The following CCDC3 variants were observed in gnomAD, a reference collection of about 807,000 sequenced individuals.
CCDC3 encodes coiled-coil domain containing 3.
CCDC3 carries 24 observed loss-of-function variants against 21.4 expected under a neutral mutation model. The observed-to-expected ratio is 1.12, with a 90% CI of 0.81 to 1.58. The LOEUF (loss-of-function observed/expected upper bound fraction) is 1.58. Among genes scored for constraint, CCDC3 ranks in the 40% most tolerant of loss-of-function variants. CCDC3 has a pLI of 0.00. For synonymous variants in CCDC3, 186 were observed against 166.0 expected, an observed-to-expected ratio of 1.12 and a Z score of -0.93; for missense variants, 425 against 360.9, an observed-to-expected ratio of 1.18 and a Z score of -1.44.
chr10:12,946,666 A>C (rs1834920780), intron 2 of CCDC3, among the ~76,000 whole-genome samples: 1 of 152,236 alleles, frequency 6.6e-6, no homozygotes, highest in South Asian at 2.1e-4. Flanking sequence ...CATTCTGTTA[A>C]ATTTAATTTA....
At chr10:13,042,735 T>G (rs377742855) in intron 5 of CCDC3, among the ~76,000 whole-genome samples, 1 of 151,596 alleles carries the variant, frequency 6.6e-6, no homozygotes. Context: ...GGTGAAACCC[T>G]GTCTCTACTA....
intron 5 of CCDC3, among the ~76,000 whole-genome samples, chr10:13,021,868 T>C (rs184575799): frequency 6.6e-6 from 1 of 152,288 alleles, no homozygotes; most frequent in African/African-American, 2.4e-5. Context: ...CAAGCAATTC[T>C]CATGCCTCAG....
At chr10:12,905,351 C>A (rs59486331) in intron 2 of CCDC3, among the ~76,000 whole-genome samples, 20,644 of 152,178 alleles carry the variant, frequency 0.14, 1,731 homozygotes, top group East Asian at 0.26. Flanking sequence ...GCAACGGCTG[C>A]TTCCACAAAA....
At chr10:13,017,815 T>C (rs939624049) in intron 5 of CCDC3, among the ~76,000 whole-genome samples, 5 of 152,092 alleles carry the variant, frequency 3.3e-5, no homozygotes, top group African/African-American at 1.2e-4. Context: ...AGGACTCAAA[T>C]TGGTGTGACT....
At chr10:12,958,292 T>C (rs961105509) in intron 2 of CCDC3, among the ~76,000 whole-genome samples, 1 of 152,144 alleles carries the variant, frequency 6.6e-6, no homozygotes, top group African/African-American at 2.4e-5. Flanking sequence ...AGCAGTTGTG[T>C]GAGGTGGCAA....
chr10:13,021,979 C>T (rs12146173), intron 5 of CCDC3, among the ~76,000 whole-genome samples: 40,957 of 151,892 alleles, frequency 0.27, 6,393 homozygotes, highest in Non-Finnish European at 0.35. Context: ...AGGATGGTCT[C>T]GAACTCCTGA....
chr10:13,057,969 C>T (rs927991935), intron 4 of CCDC3: 1 of 636,520 alleles, frequency 1.6e-6, no homozygotes, highest in African/African-American at 1.8e-5. Context: ...TGTATCTCCT[C>T]CATCATGTCT....
chr10:13,059,457 G>A (rs966421665), intron 4 of CCDC3, among the ~76,000 whole-genome samples: 6 of 152,168 alleles, frequency 3.9e-5, no homozygotes, highest in African/African-American at 1.2e-4. Context: ...AACGGGATGG[G>A]AGGTAAAGAC....
At chr10:13,024,380 C>T (rs1423473063) in intron 5 of CCDC3, among the ~76,000 whole-genome samples, 1 of 152,188 alleles carries the variant, frequency 6.6e-6, no homozygotes, top group African/African-American at 2.4e-5. Context: ...CTCTCTCTGG[C>T]TGCATGTCAG....
At chr10:13,090,143 C>T (rs1169396120) in intron 3 of CCDC3, among the ~76,000 whole-genome samples, 9 of 139,550 alleles carry the variant, frequency 6.4e-5, no homozygotes, top group Admixed American at 1.5e-4. Flanking sequence ...GGCTGGAGTG[C>T]GGTGGTGTGA....
chr10:12,953,732 C>T (rs1835043009), intron 2 of CCDC3, among the ~76,000 whole-genome samples: 1 of 152,182 alleles, frequency 6.6e-6, no homozygotes. Flanking sequence ...CACTCGGCCC[C>T]AGGCAATGCT....
At chr10:12,972,562 T>C (rs1158394057) in intron 2 of CCDC3, among the ~76,000 whole-genome samples, 2 of 152,210 alleles carry the variant, frequency 1.3e-5, no homozygotes, top group Non-Finnish European at 2.9e-5. Context: ...ATGCCTGTAA[T>C]ACCAGCACTT....
exon 1 of CCDC3, chr10:13,099,553 CA>C: frequency 6.6e-6 from 1 of 151,984 alleles, no homozygotes; most frequent in Admixed American, 6.6e-5. Context: ...TCCTCCACAC[CA>C]GCAGAGGCTA....
chr10:13,036,793 C>T (rs898672419), intron 5 of CCDC3, among the ~76,000 whole-genome samples: 11 of 141,250 alleles, frequency 7.8e-5, no homozygotes, highest in African/African-American at 2.9e-4. Context: ...CTCTTATGTA[C>T]ATTTTTTTTT....
In CCDC3 at chr10:13,001,233, G is replaced by A. The variant is rs565584330; in HGVS notation, c.338C>T (p.Thr113Ile). 2.5e-6 allele frequency: 4 copies of A among 1,577,632 alleles called. No individual in the cohort carries two copies. Among genetic ancestry groups the A allele is most frequent in the Non-Finnish European group, 3.4e-6 (4 of 1,162,206 alleles). Residue 113 changes from threonine (T) to isoleucine (I), a missense_variant, in exon 1 of 3, where the codon ACC becomes ATC. Thr to Ile is a moderately conservative substitution (Grantham distance 89). Coordinates refer to ENST00000378825, the MANE Select transcript of CCDC3 (RefSeq NM_031455.4). ...GAAATAGGAGTAGTCCTGGACCACGGTGTGGGAGTGGCACGAGAAGTAGCC... is the reference window on the plus strand; with the variant it reads ...GAAATAGGAGTAGTCCTGGACCACGATGTGGGAGTGGCACGAGAAGTAGCC... ...GLGYFSCHSH[T>I]VVQDYSYFFF...
Position 12,999,085 on chromosome 10 carries a change from C to A in CCDC3, c.375-573G>T, listed in dbSNP as rs557285583. Among the ~76,000 whole-genome samples the A allele has an allele frequency of 6.6e-5, 10 of 152,152 alleles. 1 individual carries two copies. In the South Asian group the frequency reaches 2.1e-3, roughly 32 times the overall value. The stretch of plus-strand genomic sequence containing the variant: ...TGAAACCCTGTCTCTACTAAAAATA[C>A]AAAAATTAGCTGGGCACGGTGGCAC... On this transcript the variant is annotated intron_variant, in intron 1 of 2. Transcript: ENST00000378825.
At chr10:12,934,125 G>GGTAAGTTATATCTTCAT (rs1307792426) in intron 2 of CCDC3, among the ~76,000 whole-genome samples, 1 of 152,026 alleles carries the variant, frequency 6.6e-6, no homozygotes. Flanking sequence ...CCCACAAATT[G>GGTAAGTTATATCTTCAT]GTAAGTTATA....
intron 5 of CCDC3, among the ~76,000 whole-genome samples, chr10:13,046,272 G>C (rs1425768267): frequency 6.6e-6 from 1 of 152,016 alleles, no homozygotes; most frequent in Non-Finnish European, 1.5e-5. Flanking sequence ...TGGGCATGAT[G>C]ACTCACACCT....
intron 3 of CCDC3, among the ~76,000 whole-genome samples, chr10:13,079,706 A>G (rs1026033726): frequency 6.6e-6 from 1 of 152,210 alleles, no homozygotes; most frequent in Admixed American, 6.5e-5. Flanking sequence ...AGTAGTAAAA[A>G]GGATATTCAA....
Sources: gnomAD v4.1 joint callset for allele counts (sites outside exome capture counted in the v4.1 genomes callset) on GRCh38, gnomAD v4.1.1 for gene constraint, MANE v1.5 for transcripts, NCBI Gene and HGNC (gene_info 2026-07-23, HGNC 2026-07-21) for gene names.